RANBP17: variants seen among roughly 807,000 people sequenced by gnomAD.
RANBP17 encodes ran-binding protein 17.
A neutral mutation model predicts 141.2 loss-of-function variants in RANBP17; 158 were observed. The ratio of observed to expected loss-of-function variants is 1.12; its 90% confidence interval spans 0.98 to 1.28. The LOEUF is 1.28. Among genes scored for constraint, RANBP17 ranks in the 50% most tolerant of loss-of-function variants. RANBP17 has a pLI of 0.00. For missense variants in RANBP17, 1,438 were observed against 1,290.7 expected, an observed-to-expected ratio of 1.11 and a Z score of -1.75; for synonymous variants, 430 against 450.0, an observed-to-expected ratio of 0.96 and a Z score of 0.56.
chr5:171,028,655 TTTA>T (rs948732872), intron 14 of RANBP17, among the ~76,000 whole-genome samples: 1 of 152,204 alleles, frequency 6.6e-6, no homozygotes, highest in African/African-American at 2.4e-5. Context: ...GGTTAGCATC[TTTA>T]TTATTATATC....
At chr5:171,106,076 G>C (rs1754807390) in intron 14 of RANBP17, among the ~76,000 whole-genome samples, 1 of 152,124 alleles carries the variant, frequency 6.6e-6, no homozygotes, top group South Asian at 2.1e-4. Context: ...TTTGAAAATG[G>C]AAATATTCAT....
intron 14 of RANBP17, among the ~76,000 whole-genome samples, chr5:171,119,355 T>C (rs779012325): frequency 7.9e-5 from 12 of 152,232 alleles, no homozygotes; most frequent in Non-Finnish European, 1.6e-4. Context: ...TGTCCTGATT[T>C]TGATATCGGG....
At chr5:171,153,958 C>A (rs1295049252) in intron 14 of RANBP17, among the ~76,000 whole-genome samples, 2 of 151,744 alleles carry the variant, frequency 1.3e-5, no homozygotes, top group African/African-American at 4.8e-5. Flanking sequence ...ACCAAGGAGG[C>A]GGAGGTTGCA....
At chr5:170,902,818 C>T (rs1384155561) in intron 5 of RANBP17, among the ~76,000 whole-genome samples, 2 of 152,166 alleles carry the variant, frequency 1.3e-5, no homozygotes, top group African/African-American at 4.8e-5. Flanking sequence ...GAGGTTCACT[C>T]CAGACCCTGT....
intron 27 of RANBP17, among the ~76,000 whole-genome samples, chr5:171,297,245 A>C (rs570675248): frequency 1.3e-5 from 2 of 152,326 alleles, no homozygotes; most frequent in South Asian, 2.1e-4. Flanking sequence ...TAGTTCACAA[A>C]ACTTTATTCA....
chr5:171,256,299 C>T (rs958035669), intron 24 of RANBP17, among the ~76,000 whole-genome samples: 17 of 152,134 alleles, frequency 1.1e-4, no homozygotes, highest in Admixed American at 7.2e-4. Context: ...TAATACCTAC[C>T]TTACAGGGTT....
intron 14 of RANBP17, among the ~76,000 whole-genome samples, chr5:171,164,737 G>A (rs1759563050): frequency 6.6e-6 from 1 of 152,106 alleles, no homozygotes. Flanking sequence ...ATGGGTAACT[G>A]GTTAAAATGG....
At chr5:170,981,490 C>T (rs1348382096) in intron 14 of RANBP17, among the ~76,000 whole-genome samples, 1 of 151,488 alleles carries the variant, frequency 6.6e-6, no homozygotes, top group African/African-American at 2.4e-5. Context: ...CTTTCCCCTG[C>T]TGTTCTTGTG....
intron 14 of RANBP17, among the ~76,000 whole-genome samples, chr5:171,140,028 T>G (rs1182577890): frequency 1.3e-5 from 2 of 152,180 alleles, no homozygotes; most frequent in African/African-American, 4.8e-5. Flanking sequence ...CATCACTTCT[T>G]CAGTCAGGAA....
chr5:171,082,801 G>C (rs1785338136), intron 14 of RANBP17, among the ~76,000 whole-genome samples: 1 of 151,754 alleles, frequency 6.6e-6, no homozygotes, highest in African/African-American at 2.4e-5. Flanking sequence ...TTATTTGCTA[G>C]TACAAGTTTT....
rs756758319 is a variant in RANBP17, at chr5:171,299,123, A to T, written c.*265A>T. ...TTATCTTTGTTCTCCTAATGCTCTG[A>T]AAGGATGTAGAAACAATATTTAACC... On this transcript the variant is annotated 3_prime_UTR_variant, in exon 28 of 28. Transcript: ENST00000523189. 1 of 354,828 alleles carries T rather than the reference A, an allele frequency of 2.8e-6. No individual in the cohort carries two copies. Among genetic ancestry groups the T allele is most frequent in the Non-Finnish European group, 5.2e-6 (1 of 193,170 alleles). 22.0% of individuals were successfully genotyped at this position (354,828 alleles called of 1,614,324 possible). A position where few individuals can be genotyped will look rare whatever the true frequency, so the allele number is the denominator to read the frequency against.
At chr5:171,060,333 C>T (rs552167752) in intron 14 of RANBP17, among the ~76,000 whole-genome samples, 53 of 150,208 alleles carry the variant, frequency 3.5e-4, no homozygotes, top group African/African-American at 1.0e-3. Context: ...TTTTGAGATA[C>T]GTCCCATCAA....
At chr5:171,094,954 G>C (rs1029989699) in intron 14 of RANBP17, among the ~76,000 whole-genome samples, 1 of 152,036 alleles carries the variant, frequency 6.6e-6, no homozygotes, top group Non-Finnish European at 1.5e-5. Flanking sequence ...GAGGTGATTG[G>C]GTTGAATAAA....
At chr5:171,028,792 C>A in intron 14 of RANBP17, 1 of 648,560 alleles carries the variant, frequency 1.5e-6, no homozygotes, top group Non-Finnish European at 2.4e-6. Flanking sequence ...GCAAACCTGC[C>A]TTTTTTCCCT....
intron 14 of RANBP17, among the ~76,000 whole-genome samples, chr5:171,152,430 A>AG (rs1307505893): frequency 3.3e-5 from 5 of 150,610 alleles, no homozygotes; most frequent in Admixed American, 3.3e-4. Flanking sequence ...AAAAAAAAAA[A>AG]GGGCCCCAAA....
At chr5:170,892,328 G>A (rs1156949279) in intron 3 of RANBP17, 59 bp from the exon 4 acceptor site, 1 of 286,738 alleles carries the variant, frequency 3.5e-6, no homozygotes, top group Non-Finnish European at 5.8e-6. Context: ...TTCTTCATAT[G>A]ATTCACACTA....
intron 22 of RANBP17, among the ~76,000 whole-genome samples, chr5:171,240,073 T>C (rs1764771829): frequency 6.6e-6 from 1 of 152,156 alleles, no homozygotes; most frequent in Non-Finnish European, 1.5e-5. Flanking sequence ...CTAAATTTTG[T>C]AAATTGAATT....
Position 170,914,233 on chromosome 5 carries a change from C to G in RANBP17, c.827C>G (p.Ser276Cys). Residue 276 changes from serine to cysteine, a missense_variant, in exon 8 of 28, where the codon TCT (serine) becomes TGT (cysteine). Ser to Cys is a moderately radical substitution (Grantham distance 112). Coordinates refer to ENST00000523189, the MANE Select transcript of RANBP17 (RefSeq NM_022897.5). ...NLYHSLPPLL[S>C]QLALSCLVQF... Reference sequence around the variant, plus strand: ...TATCATTCACTTCCACCACTACTATCTCAGTTAGTAAGTAAAAGTCATTCG... The same window carrying G: ...TATCATTCACTTCCACCACTACTATGTCAGTTAGTAAGTAAAAGTCATTCG... 6.3e-7 allele frequency: 1 copy of G among 1,592,084 alleles called. No individual in the cohort carries two copies. The highest frequency in any genetic ancestry group is 8.6e-7 in the Non-Finnish European group (1 of 1,160,454).
chr5:171,090,675 G>C (rs769098628), intron 14 of RANBP17, among the ~76,000 whole-genome samples: 5 of 152,136 alleles, frequency 3.3e-5, no homozygotes, highest in African/African-American at 4.8e-5. Flanking sequence ...TGGTTTCATG[G>C]GCAGGGCCCA....
Sources: allele counts gnomAD v4.1 joint callset (sites outside exome capture counted in the v4.1 genomes callset), GRCh38; gene constraint gnomAD v4.1.1; transcripts MANE v1.5; gene names NCBI Gene and HGNC (gene_info 2026-07-23, HGNC 2026-07-21).